The following MEX3D variants were observed in gnomAD, a reference collection of about 807,000 sequenced individuals.
MEX3D encodes RNA-binding protein MEX3D.
In MEX3D, 4 loss-of-function variants were observed where a neutral mutation model predicts 6.3. The observed-to-expected ratio is 0.64, with a 90% CI of 0.31 to 1.46. MEX3D has a LOEUF of 1.46. Among genes scored for constraint, MEX3D ranks in the 40% most tolerant of loss-of-function variants. The probability of loss-of-function intolerance (pLI) is 0.07; values close to 1 mark genes in which losing one functional copy is unlikely to be tolerated. For synonymous variants in MEX3D, 626 were observed against 494.1 expected, an observed-to-expected ratio of 1.27 and a Z score of -3.54; for missense variants, 1,038 against 994.4, an observed-to-expected ratio of 1.04 and a Z score of -0.59.
Position 1,555,533 on chromosome 19 carries a change from G to T in MEX3D, c.*30C>A. 6.7e-7 allele frequency: 1 copy of T among 1,497,080 alleles called. No individual in the cohort carries two copies. The highest frequency in any genetic ancestry group is 9.0e-7 in the Non-Finnish European group (1 of 1,116,932). The allele number at this position is 1,497,080 out of a possible 1,614,324, so 92.7% of individuals were successfully genotyped here. The stretch of plus-strand genomic sequence containing the variant: ...CCCGCGCCCACCCCTGGCCCCCGCA[G>T]ATGGCCCCGGCCACGTGGTGGTCCG... On this transcript the variant is annotated 3_prime_UTR_variant, in exon 2 of 2. Coordinates refer to ENST00000402693, the MANE Select transcript of MEX3D (RefSeq NM_203304.4).
chr19:1,564,947 T>C (rs1475474190), intron 1 of MEX3D, among the ~76,000 whole-genome samples: 2 of 152,168 alleles, frequency 1.3e-5, no homozygotes, highest in Non-Finnish European at 2.9e-5. Context: ...GGTTCTACAG[T>C]GTGGAAGAAG....
intron 1 of MEX3D, among the ~76,000 whole-genome samples, chr19:1,560,019 C>T (rs1222577760): frequency 2.0e-5 from 3 of 152,230 alleles, no homozygotes; most frequent in Non-Finnish European, 4.4e-5. Context: ...GTTGGGCCTG[C>T]TCTTCTGAGT....
At chr19:1,565,529 G>A (rs567387279) in intron 1 of MEX3D, among the ~76,000 whole-genome samples, 10 of 152,246 alleles carry the variant, frequency 6.6e-5, no homozygotes, top group Admixed American at 1.3e-4. Flanking sequence ...GCGACAGAGC[G>A]AAACTCCGTC....
chr19:1,568,161 C>A lies in MEX3D; in HGVS notation c.-103G>T. The A allele has an allele frequency of 1.0e-6, 1 of 962,758 alleles. No individual in the cohort carries two copies. Among genetic ancestry groups the A allele is most frequent in the South Asian group, 4.7e-5 (1 of 21,148 alleles). The allele number at this position is 962,758 out of a possible 1,614,324, so 59.6% of individuals were successfully genotyped here. ...AGCTGGGCCGCCGGCCGCCTGCATC[C>A]AGCGGCGGGGGCGGGCACGGGGGGC... On this transcript the variant is annotated 5_prime_UTR_variant, in exon 1 of 2. Transcript: ENST00000402693.
rs1218210835 is a variant in MEX3D, at chr19:1,555,484, C to G, written c.*79G>C. Reference sequence around the variant, plus strand: ...CCCCTCGCCCCCTCCCCGTCCCTCTCCCACCCCGGGTCCCGCCCCGTCTCC... The same window carrying G: ...CCCCTCGCCCCCTCCCCGTCCCTCTGCCACCCCGGGTCCCGCCCCGTCTCC... On this transcript the variant is annotated 3_prime_UTR_variant, in exon 2 of 2. Transcript: ENST00000402693. The G allele has an allele frequency of 5.6e-6, 8 of 1,417,606 alleles. No individual in the cohort carries two copies. The African/African-American group carries it at 1.2e-4, about 21-fold the overall frequency. 87.8% of individuals were successfully genotyped at this position (1,417,606 alleles called of 1,614,324 possible). A position where few individuals can be genotyped will look rare whatever the true frequency, so the allele number is the denominator to read the frequency against.
Position 1,567,537 on chromosome 19 carries a change from C to T in MEX3D, c.522G>A (p.Lys174=). 6.4e-7 allele frequency: 1 copy of T among 1,560,904 alleles called. No homozygotes were observed. The highest frequency in any genetic ancestry group is 8.7e-7 in the Non-Finnish European group (1 of 1,155,976). The stretch of plus-strand genomic sequence containing the variant: ...CGCACTCGGTCATGTTGACGCTTTT[C>T]TTGCGGCTGCCGATCACGCTCATCT... ...ADQMSVIGSR[K]KSVNMTECVP... is the part of the protein sequence containing the mutation. The change falls in exon 1 of 2, where the codon AAG becomes AAA. Residue 174 remains lysine, a synonymous_variant. Coordinates refer to ENST00000402693, the MANE Select transcript of MEX3D (RefSeq NM_203304.4). This position sits in a 1 kb window ranked among gnomAD's most constrained non-coding sequence, Gnocchi z 6.5.
At chr19:1,559,658 C>G (rs1019290567) in intron 1 of MEX3D, among the ~76,000 whole-genome samples, 29 of 152,192 alleles carry the variant, frequency 1.9e-4, no homozygotes, top group African/African-American at 6.5e-4. Flanking sequence ...CAGAAGGTGG[C>G]TCTGAGGGGA....
rs1914524780 is a variant in MEX3D, at chr19:1,555,848, G to A, written c.1671C>T (p.Ala557=). The change falls in exon 2 of 2, where the codon GCC becomes GCT. Residue 557 remains alanine, a synonymous_variant. Coordinates refer to ENST00000402693, the MANE Select transcript of MEX3D (RefSeq NM_203304.4). ...QGPVSFPGGA[A]FSTATSLPSS... ...TGGGCAGCGAGGTGGCCGTGGAGAA[G>A]GCGGCGCCGCCTGGGAAGGATACGG... 1.5e-6 allele frequency: 2 copies of A among 1,335,770 alleles called. No individual in the cohort carries two copies. Among genetic ancestry groups the A allele is most frequent in the Non-Finnish European group, 1.9e-6 (2 of 1,049,228 alleles). The allele number at this position is 1,335,770 out of a possible 1,614,324, so 82.7% of individuals were successfully genotyped here. A position where few individuals can be genotyped will look rare whatever the true frequency, so the allele number is the denominator to read the frequency against.
At chr19:1,558,761 G>T (rs937503716) in intron 1 of MEX3D, among the ~76,000 whole-genome samples, 1 of 152,188 alleles carries the variant, frequency 6.6e-6, no homozygotes, top group Non-Finnish European at 1.5e-5. Flanking sequence ...GCAGACGCCC[G>T]CACCCTGACT....
chr19:1,557,612 G>A (rs1889676190), intron 1 of MEX3D, among the ~76,000 whole-genome samples: 1 of 148,790 alleles, frequency 6.7e-6, no homozygotes, highest in Admixed American at 6.7e-5. Context: ...TGTAATCCCA[G>A]CACTTTGGGA....
At position 1,555,524 on chromosome 19, in the gene MEX3D, G is replaced by GC. The variant is rs1386104000; in HGVS notation, c.*38dup. 9.1e-6 allele frequency: 14 copies of GC among 1,530,446 alleles called. No homozygotes were observed. Among genetic ancestry groups the GC allele is most frequent in the Middle Eastern group, 2.3e-4 (1 of 4,408 alleles). 94.8% of individuals were successfully genotyped at this position (1,530,446 alleles called of 1,614,324 possible). A position where few individuals can be genotyped will look rare whatever the true frequency, so the allele number is the denominator to read the frequency against. ...GCCCCGTCTCCCGCGCCCACCCCTGGCCCCCGCAGATGGCCCCGGCCACGT... is the reference window on the plus strand; with the variant it reads ...GCCCCGTCTCCCGCGCCCACCCCTGGCCCCCCGCAGATGGCCCCGGCCACGT... On this transcript the variant is annotated 3_prime_UTR_variant, in exon 2 of 2. Coordinates refer to ENST00000402693, the MANE Select transcript of MEX3D (RefSeq NM_203304.4).
chr19:1,567,028 C>T lies in MEX3D; in HGVS notation c.595+436G>A, dbSNP rs766313794. The stretch of plus-strand genomic sequence containing the variant: ...CTCTTTGTACTGTCAGCCTTCTCTC[C>T]CGGTCCTGCAGGCGGCCCCCCTAAG... On this transcript the variant is annotated intron_variant, in intron 1 of 1. Transcript: ENST00000402693. The surrounding 1 kb of genome is among the most constrained non-coding windows in gnomAD (Gnocchi z 6.5). Among the ~76,000 whole-genome samples, 2 of 152,142 alleles carry T rather than the reference C, an allele frequency of 1.3e-5. No homozygotes were observed. The highest frequency in any genetic ancestry group is 2.9e-5 in the Non-Finnish European group (2 of 67,992).
chr19:1,557,211 G>C (rs1426475399), intron 1 of MEX3D, among the ~76,000 whole-genome samples: 1 of 152,188 alleles, frequency 6.6e-6, no homozygotes, highest in Non-Finnish European at 1.5e-5. Context: ...GCTGGGGTGT[G>C]AATGTTTCCC....
At chr19:1,557,010 G>C in intron 1 of MEX3D, 87 bp from the exon 2 acceptor site, 1 of 1,467,160 alleles carries the variant, frequency 6.8e-7, no homozygotes, top group Non-Finnish European at 9.1e-7. Flanking sequence ...CAGGGCCAGT[G>C]AGGGAGCCCC....
intron 1 of MEX3D, 102 bp from the exon 2 acceptor site, chr19:1,557,025 T>C: frequency 2.2e-6 from 3 of 1,367,322 alleles, no homozygotes; most frequent in Non-Finnish European, 3.0e-6. Flanking sequence ...AGCCCCTACC[T>C]CCCAGCCTGT....
rs921940393 is a variant in MEX3D at position 1,558,369 on chromosome 19, AAAG to A, written c.596-1449_596-1447del. Among the ~76,000 whole-genome samples the A allele has an allele frequency of 3.1e-4, 47 of 151,166 alleles. 1 individual carries two copies. Among genetic ancestry groups the A allele is most frequent in the African/African-American group, 9.3e-4 (38 of 40,784 alleles). ...GACAGAGCAAAGCCTTGTCTCAAAA[AAAG>A]AAGGAAAAAAAAAAAAAAGACACAC... On this transcript the variant is annotated intron_variant, in intron 1 of 1. Coordinates refer to ENST00000402693, the MANE Select transcript of MEX3D (RefSeq NM_203304.4).
rs2145567571 is a variant in MEX3D, at chr19:1,556,093, A to C, written c.1426T>G (p.Phe476Val). ...VPAAATIWAPFERAAPLPAFS... is the reference protein window; with the variant it reads ...VPAAATIWAPVERAAPLPAFS... ...GCGGGCAAGGGGGCGGCGCGCTCAA[A>C]AGGCGCCCAGATGGTGGCCGCGGCG... is the stretch of plus-strand genomic sequence containing the variant. Residue 476 changes from phenylalanine (F) to valine (V), a missense_variant, in exon 2 of 2, where the codon TTT (phenylalanine) becomes GTT (valine). Transcript: ENST00000402693. The surrounding 1 kb of genome is among the most constrained non-coding windows in gnomAD (Gnocchi z 7.5). The C allele has an allele frequency of 6.9e-7, 1 of 1,440,078 alleles. No individual in the cohort carries two copies. The highest frequency in any genetic ancestry group is 9.1e-7 in the Non-Finnish European group (1 of 1,095,832). The allele number at this position is 1,440,078 out of a possible 1,614,324, so 89.2% of individuals were successfully genotyped here. A position where few individuals can be genotyped will look rare whatever the true frequency, so the allele number is the denominator to read the frequency against.
In MEX3D at chr19:1,567,359, T is replaced by C. The variant is rs2145578936; in HGVS notation, c.595+105A>G. 1 of 1,282,786 alleles carries C rather than the reference T, an allele frequency of 7.8e-7. No individual in the cohort carries two copies. Among genetic ancestry groups the C allele is most frequent in the Non-Finnish European group, 1.0e-6 (1 of 993,960 alleles). 79.5% of individuals were successfully genotyped at this position (1,282,786 alleles called of 1,614,324 possible). Reference sequence around the variant, plus strand: ...CGGAGCCCACGCGGGGCGTGTCCGGTGCGGGGCGTCCGGCGCGGGCTGGGC... The same window carrying C: ...CGGAGCCCACGCGGGGCGTGTCCGGCGCGGGGCGTCCGGCGCGGGCTGGGC... On this transcript the variant is annotated intron_variant, in intron 1 of 1. Transcript: ENST00000402693. This position sits in a 1 kb window ranked among gnomAD's most constrained non-coding sequence, Gnocchi z 6.5.
intron 1 of MEX3D, among the ~76,000 whole-genome samples, chr19:1,561,402 G>A (rs963437000): frequency 6.6e-6 from 1 of 152,214 alleles, no homozygotes; most frequent in Non-Finnish European, 1.5e-5. Context: ...AGTCCAACAC[G>A]CAGCCGCCCC....
Sources: gnomAD v4.1 joint callset for allele counts (sites outside exome capture counted in the v4.1 genomes callset) on GRCh38, gnomAD v4.1.1 for gene constraint, Gnocchi (gnomAD v3.1) non-coding constraint, MANE v1.5 for transcripts, NCBI Gene and HGNC (gene_info 2026-07-23, HGNC 2026-07-21) for gene names.